Variants in UBXN2A observed in about 807,000 individuals in gnomAD.
The protein encoded by UBXN2A is UBX domain-containing protein 2A.
In UBXN2A, 28 loss-of-function variants were observed where a neutral mutation model predicts 28.4. That is an observed-to-expected ratio of 0.99 (90% CI 0.73 to 1.35). The LOEUF (loss-of-function observed/expected upper bound fraction) is 1.35, where lower values mean the gene tolerates loss of function less well. UBXN2A is among the 40% of genes most tolerant of loss of function. UBXN2A has a pLI of 0.00. For synonymous variants in UBXN2A, 97 were observed against 103.6 expected (o/e 0.94, Z 0.39); for missense variants, 253 against 297.9 (o/e 0.85, Z 1.11).
intron 2 of UBXN2A, among the ~76,000 whole-genome samples, chr2:23,963,235 C>T (rs1707011528): frequency 6.6e-6 from 1 of 151,732 alleles, no homozygotes; most frequent in Non-Finnish European, 1.5e-5. Flanking sequence ...TGGAAGAAAA[C>T]GCCGGGCGCA....
intron 6 of UBXN2A, among the ~76,000 whole-genome samples, chr2:23,986,958 C>T (rs1162873622): frequency 6.6e-6 from 1 of 151,800 alleles, no homozygotes; most frequent in Admixed American, 6.6e-5. Context: ...CTTGTAGTCC[C>T]AGCAATTTGG....
intron 2 of UBXN2A, among the ~76,000 whole-genome samples, chr2:23,970,910 G>A (rs934766595): frequency 2.0e-5 from 3 of 152,124 alleles, no homozygotes; most frequent in South Asian, 2.1e-4. Context: ...TAATGTGAGC[G>A]ATGGGAGCAA....
chr2:23,983,872 C>T (rs891169431), intron 5 of UBXN2A, among the ~76,000 whole-genome samples: 25 of 152,092 alleles, frequency 1.6e-4, no homozygotes, highest in Admixed American at 2.0e-4. Context: ...GACAGGGTTT[C>T]GCCATGTTGG....
At position 24,000,087 on chromosome 2, in the gene UBXN2A, A is replaced by AAAATAGACTTATTTTC; in HGVS notation, c.*226_*241dup. 2.0e-6 allele frequency: 1 copy of AAAATAGACTTATTTTC among 493,120 alleles called. No individual in the cohort carries two copies. The highest frequency in any genetic ancestry group is 3.5e-6 in the Non-Finnish European group (1 of 282,412). 30.5% of individuals were successfully genotyped at this position (493,120 alleles called of 1,614,324 possible). On this transcript the variant is annotated 3_prime_UTR_variant, in exon 7 of 7. Transcript: ENST00000309033. ...CACTTTCTCCAAAAGACTACCCAGA[A>AAAATAGACTTATTTTC]AAATAGACTTATTTTCAAATACCAG... is the stretch of plus-strand genomic sequence containing the variant.
rs1400041155 is a variant in UBXN2A at position 24,001,025 on chromosome 2, C to T, written c.*1158C>T. On this transcript the variant is annotated 3_prime_UTR_variant, in exon 7 of 7. Coordinates refer to ENST00000309033, the MANE Select transcript of UBXN2A (RefSeq NM_181713.4). ...CGTTTGTTTGAGATGGAGTTTCGCT[C>T]TTGTTGCCCAGGCTGGAGTGCAGTG... 1.3e-5 allele frequency: 2 copies of T among 152,158 alleles called. No homozygotes were observed. Among genetic ancestry groups the T allele is most frequent in the Admixed American group, 1.3e-4 (2 of 15,248 alleles). 9.4% of individuals were successfully genotyped at this position (152,158 alleles called of 1,614,324 possible).
At chr2:23,994,638 A>G (rs998560412) in intron 6 of UBXN2A, among the ~76,000 whole-genome samples, 11 of 151,874 alleles carry the variant, frequency 7.2e-5, no homozygotes, top group Non-Finnish European at 1.6e-4. Context: ...TGAGTCTGTT[A>G]TTTTTCAGGT....
chr2:23,940,098 G>A (rs1249521366), upstream of UBXN2A, among the ~76,000 whole-genome samples: 3 of 134,616 alleles, frequency 2.2e-5, no homozygotes, highest in Non-Finnish European at 4.7e-5. Flanking sequence ...GGACAAGAGC[G>A]AGATTTAGTC....
chr2:23,955,212 T>G (rs1162428937), intron 1 of UBXN2A, among the ~76,000 whole-genome samples: 3 of 152,168 alleles, frequency 2.0e-5, no homozygotes, highest in Non-Finnish European at 4.4e-5. Flanking sequence ...ATTACAGGCG[T>G]GAGCCATCGC....
At chr2:23,989,690 C>G (rs143718302) in intron 6 of UBXN2A, among the ~76,000 whole-genome samples, 138 of 152,080 alleles carry the variant, frequency 9.1e-4, no homozygotes, top group African/African-American at 3.2e-3. Flanking sequence ...ATCACTGGAG[C>G]CTAGCAGTTC....
chr2:23,973,220 C>G (rs1034513472), intron 3 of UBXN2A, among the ~76,000 whole-genome samples: 1 of 151,744 alleles, frequency 6.6e-6, no homozygotes, highest in African/African-American at 2.4e-5. Flanking sequence ...AGGGTTTCAT[C>G]ATGTTGGTCA....
chr2:23,967,474 A>T (rs191710872), intron 2 of UBXN2A, among the ~76,000 whole-genome samples: 1 of 152,322 alleles, frequency 6.6e-6, no homozygotes, highest in Admixed American at 6.5e-5. Context: ...ATGTATACTG[A>T]TACTTACTAT....
Position 23,978,643 on chromosome 2 carries a change from CA to C in UBXN2A, c.287+1581del, listed in dbSNP as rs1167982156. 7.6e-3 allele frequency among the ~76,000 whole-genome samples: 1,019 copies of C among 134,530 alleles called. 4 individuals are homozygous for C. The highest frequency in any genetic ancestry group is 0.025 in the African/African-American group (898 of 36,324). The allele number at this position is 134,530 out of a possible 152,430, so 88.3% of individuals were successfully genotyped here. On this transcript the variant is annotated intron_variant, in intron 4 of 6. Coordinates refer to ENST00000309033, the MANE Select transcript of UBXN2A (RefSeq NM_181713.4). ...TGGGCAACAGAGCAAGACTCCGTCT[CA>C]AAAAAAAAAAAATTTTGTTTTAAAG...
chr2:23,961,375 C>T (rs959639083), intron 2 of UBXN2A, among the ~76,000 whole-genome samples: 7 of 151,228 alleles, frequency 4.6e-5, no homozygotes, highest in Admixed American at 4.6e-4. Context: ...GGATTACAGA[C>T]GTGAGCCACC....
intron 6 of UBXN2A, among the ~76,000 whole-genome samples, chr2:23,992,280 A>G (rs1288227696): frequency 1.3e-5 from 2 of 152,102 alleles, no homozygotes; most frequent in African/African-American, 4.8e-5. Flanking sequence ...TAATTTTGGT[A>G]TTTTTAGTAG....
chr2:23,992,788 C>G (rs566440817), intron 6 of UBXN2A, among the ~76,000 whole-genome samples: 18 of 152,298 alleles, frequency 1.2e-4, no homozygotes, highest in African/African-American at 4.3e-4. Flanking sequence ...CAGCTTCCTT[C>G]TAATTAGTAT....
At chr2:23,975,237 T>G (rs1348529544) in intron 3 of UBXN2A, among the ~76,000 whole-genome samples, 1 of 152,176 alleles carries the variant, frequency 6.6e-6, no homozygotes, top group Admixed American at 6.6e-5. Context: ...AACAAGTATA[T>G]GAAAAGATGG....
chr2:23,944,090 G>A, intron 1 of UBXN2A: 1 of 673,060 alleles, frequency 1.5e-6, no homozygotes. Flanking sequence ...TGAGCACAGG[G>A]GTCTCTTTTT....
chr2:23,957,814 A>G (rs1330452584), intron 1 of UBXN2A, among the ~76,000 whole-genome samples: 1 of 152,182 alleles, frequency 6.6e-6, no homozygotes, highest in Non-Finnish European at 1.5e-5. Flanking sequence ...AGCCTGGGCA[A>G]CAAGAGCGGT....
At chr2:23,936,393 G>C (rs1239749190), upstream of UBXN2A, among the ~76,000 whole-genome samples, 1 of 152,046 alleles carries the variant, frequency 6.6e-6, no homozygotes, top group African/African-American at 2.4e-5. Flanking sequence ...GAGGTATCTA[G>C]AATGGGCAAA....
Sources: gnomAD v4.1 joint callset for allele counts (sites outside exome capture counted in the v4.1 genomes callset) on GRCh38, gnomAD v4.1.1 for gene constraint, MANE v1.5 for transcripts, NCBI Gene and HGNC (gene_info 2026-07-23, HGNC 2026-07-21) for gene names.